The following SOS2 variants were observed in gnomAD, a reference collection of about 807,000 sequenced individuals.
SOS2 encodes son of sevenless homolog 2.
Under a neutral mutation model 148.2 loss-of-function variants are expected in SOS2, and 65 were observed. The ratio of observed to expected loss-of-function variants is 0.44; its 90% CI spans 0.36 to 0.54. The LOEUF is 0.54. Ranked by LOEUF, SOS2 falls within the 20% of genes least tolerant of loss-of-function variation. SOS2 has a pLI of 0.00. For missense variants in SOS2, 1,341 were observed against 1,590.2 expected (o/e 0.84, Z 2.67); for synonymous variants, 539 against 537.1 (o/e 1.00, Z -0.05).
chr14:50,205,636 GT>G (rs1886634596), intron 1 of SOS2, among the ~76,000 whole-genome samples: 3 of 152,224 alleles, frequency 2.0e-5, no homozygotes, highest in African/African-American at 7.2e-5. Context: ...CAAAATGAGA[GT>G]TTTAAAAAAT....
intron 16 of SOS2, among the ~76,000 whole-genome samples, chr14:50,142,449 AAAAT>A (rs1566824516): frequency 6.6e-6 from 1 of 152,224 alleles, no homozygotes; most frequent in Non-Finnish European, 1.5e-5. Flanking sequence ...CCCACTAAAA[AAAAT>A]AAATAAATAA....
At chr14:50,214,485 A>C (rs1336187380) in intron 1 of SOS2, among the ~76,000 whole-genome samples, 1 of 152,114 alleles carries the variant, frequency 6.6e-6, no homozygotes, top group African/African-American at 2.4e-5. Flanking sequence ...TACATTTCTA[A>C]TAGATCAATC....
At chr14:50,183,753 C>A (rs1243519606) in intron 5 of SOS2, among the ~76,000 whole-genome samples, 1 of 152,150 alleles carries the variant, frequency 6.6e-6, no homozygotes, top group Admixed American at 6.5e-5. Context: ...GAAGATAACT[C>A]CTAATCCTGT....
rs1371661748 is a variant in SOS2, at chr14:50,188,647, T to C, written c.564A>G (p.Glu188=). 1 of 1,610,966 alleles carries C rather than the reference T, an allele frequency of 6.2e-7. No homozygotes were observed. The highest frequency in any genetic ancestry group is 1.3e-5 in the African/African-American group (1 of 74,720). Residue 188 remains glutamate (E), a synonymous_variant, in exon 5 of 23, where the codon GAA becomes GAG. Coordinates refer to ENST00000216373, the MANE Select transcript of SOS2 (RefSeq NM_006939.4). ...QDDIGLVSLC[E]DEPSSSGELN... ...ATTCACCAGAAGAACTAGGTTCATC[T>C]TCACAGAGAGAAACCAAACCTATGT... is the stretch of plus-strand genomic sequence containing the variant.
chr14:50,118,949 C>T (rs1883409169), intron 22 of SOS2, 96 bp from the exon 23 acceptor site: 1 of 716,074 alleles, frequency 1.4e-6, no homozygotes, highest in Non-Finnish European at 2.1e-6. Context: ...AAGTTAAATT[C>T]AGAGGCTCAA....
intron 9 of SOS2, among the ~76,000 whole-genome samples, chr14:50,160,325 G>T (rs180768356): frequency 7.0e-6 from 1 of 142,432 alleles, no homozygotes; most frequent in Admixed American, 7.1e-5. Context: ...TTCTTTCATA[G>T]ATTATATTTT....
chr14:50,174,807 G>A (rs1885472312), intron 7 of SOS2, among the ~76,000 whole-genome samples: 1 of 152,012 alleles, frequency 6.6e-6, no homozygotes, highest in South Asian at 2.1e-4. Context: ...ATCCTCTACA[G>A]CTTATGTTCT....
At chr14:50,155,040 T>C (rs1285924824) in intron 12 of SOS2, among the ~76,000 whole-genome samples, 1 of 150,506 alleles carries the variant, frequency 6.6e-6, no homozygotes, top group Non-Finnish European at 1.5e-5. Context: ...ATTTAAGGAG[T>C]GTACTTCAAA....
At chr14:50,213,168 T>C (rs1184831911) in intron 1 of SOS2, among the ~76,000 whole-genome samples, 2 of 151,942 alleles carry the variant, frequency 1.3e-5, no homozygotes, top group African/African-American at 4.8e-5. Flanking sequence ...AAAACAGGAA[T>C]AAAGGTGACC....
Position 50,161,607 on chromosome 14 carries a change from T to A in SOS2, c.1071A>T (p.Gln357His). ...HCWHYFELLK[Q>H]LKACSEEQED... is the part of the protein sequence containing the mutation. ...CTTGTTCTTCACTACATGCTTTCAATTGCTAAGAAAAAACAGAAAGAAAAA... is the reference window on the plus strand; with the variant it reads ...CTTGTTCTTCACTACATGCTTTCAAATGCTAAGAAAAAACAGAAAGAAAAA... The change falls in exon 9 of 23, where the codon CAA (glutamine) becomes CAT (histidine). Residue 357 changes from glutamine to histidine, a missense_variant and splice_region_variant. This residue lies in a region of SOS2 where 574 missense variants were observed against 711.1 expected (regional missense o/e 0.81). Coordinates refer to ENST00000216373, the MANE Select transcript of SOS2 (RefSeq NM_006939.4). 1 of 1,609,686 alleles carries A rather than the reference T, an allele frequency of 6.2e-7. No individual in the cohort carries two copies. Among genetic ancestry groups the A allele is most frequent in the Non-Finnish European group, 8.5e-7 (1 of 1,178,556 alleles).
intron 1 of SOS2, among the ~76,000 whole-genome samples, chr14:50,220,994 T>C (rs1887186735): frequency 1.3e-5 from 2 of 152,194 alleles, no homozygotes; most frequent in Admixed American, 1.3e-4. Context: ...ACGTGAAATT[T>C]TAAGACTCAT....
At chr14:50,230,327 A>C (rs377610260) in intron 1 of SOS2, among the ~76,000 whole-genome samples, 33 of 152,360 alleles carry the variant, frequency 2.2e-4, no homozygotes, top group East Asian at 1.3e-3. Context: ...GCAAAGAAAG[A>C]AAGCCCCTGC....
intron 16 of SOS2, among the ~76,000 whole-genome samples, chr14:50,144,942 T>C (rs988752844): frequency 6.6e-6 from 1 of 152,094 alleles, no homozygotes; most frequent in Non-Finnish European, 1.5e-5. Flanking sequence ...ATATTGTTTA[T>C]TGAATATTGA....
chr14:50,218,023 T>G (rs1037361008), intron 1 of SOS2, among the ~76,000 whole-genome samples: 1 of 150,434 alleles, frequency 6.6e-6, no homozygotes, highest in East Asian at 1.9e-4. Flanking sequence ...ATAGGCCAGG[T>G]GCAGTGGCTT....
intron 8 of SOS2, among the ~76,000 whole-genome samples, chr14:50,170,365 C>T (rs1431350348): frequency 6.6e-6 from 1 of 151,948 alleles, no homozygotes; most frequent in African/African-American, 2.4e-5. Flanking sequence ...TTATAAGTAA[C>T]TTTATAACAT....
At chr14:50,176,345 C>T (rs147158288) in intron 7 of SOS2, among the ~76,000 whole-genome samples, 3 of 152,282 alleles carry the variant, frequency 2.0e-5, no homozygotes, top group African/African-American at 7.2e-5. Flanking sequence ...CCTGAATAGA[C>T]TAAGACAGTA....
intron 21 of SOS2, among the ~76,000 whole-genome samples, chr14:50,127,318 T>C (rs1883715173): frequency 6.6e-6 from 1 of 152,092 alleles, no homozygotes; most frequent in African/African-American, 2.4e-5. Context: ...ATTTTTGTAT[T>C]TTTAGTAGAG....
intron 1 of SOS2, among the ~76,000 whole-genome samples, chr14:50,227,244 T>C (rs997869619): frequency 6.6e-5 from 2 of 30,206 alleles, no homozygotes; most frequent in African/African-American, 1.0e-4. Context: ...TCTTTCTTTC[T>C]TTCTTTTTTT....
At chr14:50,161,789 C>CTTT (rs36219580) in intron 8 of SOS2, among the ~76,000 whole-genome samples, 180 bp from the exon 9 acceptor site, 5 of 135,306 alleles carry the variant, frequency 3.7e-5, no homozygotes, top group Non-Finnish European at 7.9e-5. Flanking sequence ...CTTTTTCTTT[C>CTTT]TTTTTTTTTT....
Sources: gnomAD v4.1 joint callset for allele counts (sites outside exome capture counted in the v4.1 genomes callset) on GRCh38, gnomAD v4.1.1 for gene constraint, gnomAD v4.1.1 regional missense constraint, MANE v1.5 for transcripts, NCBI Gene and HGNC (gene_info 2026-07-23, HGNC 2026-07-21) for gene names.